Variants in USP48 observed in about 807,000 individuals in gnomAD.
USP48 encodes ubiquitin carboxyl-terminal hydrolase 48.
A neutral mutation model predicts 150.7 loss-of-function variants in USP48; 43 were observed. The observed-to-expected ratio is 0.29, with a 90% CI of 0.22 to 0.37. The LOEUF is 0.37. Among genes scored for constraint, USP48 ranks in the 10% least tolerant of loss-of-function variants. The probability of loss-of-function intolerance (pLI) is 1.00; values close to 1 mark genes in which losing one functional copy is unlikely to be tolerated. For synonymous variants in USP48, 396 were observed against 425.9 expected, an observed-to-expected ratio of 0.93 and a Z score of 0.86; for missense variants, 813 against 1,249.6, an observed-to-expected ratio of 0.65 and a Z score of 5.27.
Position 21,715,376 on chromosome 1 carries a change from G to A in USP48, c.1963+13C>T. 1 of 1,570,968 alleles carries A rather than the reference G, an allele frequency of 6.4e-7. No homozygotes were observed. The highest frequency in any genetic ancestry group is 8.7e-7 in the Non-Finnish European group (1 of 1,148,754). ...GGACAATAAAACAGAATTCATTTATGCTTCTAGCTTACCATGTGGACACAG... is the reference window on the plus strand; with the variant it reads ...GGACAATAAAACAGAATTCATTTATACTTCTAGCTTACCATGTGGACACAG... On this transcript the variant is annotated intron_variant, in intron 15 of 26. Transcript: ENST00000308271.
At chr1:21,701,862 G>GTTA (rs1488205175) in intron 21 of USP48, among the ~76,000 whole-genome samples, 1 of 152,190 alleles carries the variant, frequency 6.6e-6, no homozygotes, top group African/African-American at 2.4e-5. Flanking sequence ...CTGCAGAGCA[G>GTTA]TTATTATTAT....
intron 11 of USP48, among the ~76,000 whole-genome samples, chr1:21,725,676 C>T (rs2097734886): frequency 6.6e-6 from 1 of 151,824 alleles, no homozygotes. Context: ...TCACTTGAAC[C>T]CGGGACGCGG....
At chr1:21,740,519 A>G (rs1166460985) in intron 8 of USP48, among the ~76,000 whole-genome samples, 1 of 152,214 alleles carries the variant, frequency 6.6e-6, no homozygotes, top group Non-Finnish European at 1.5e-5. Context: ...AGCCCTCAAA[A>G]AGATTTCTTT....
intron 1 of USP48, among the ~76,000 whole-genome samples, chr1:21,779,060 C>T (rs975957671): frequency 1.3e-5 from 2 of 151,898 alleles, no homozygotes; most frequent in Admixed American, 6.6e-5. Context: ...AGGTTACAGG[C>T]GTGAGCCACC....
rs1398315931 is a variant in USP48 at position 21,715,369 on chromosome 1, C to T, written c.1963+20G>A. The stretch of plus-strand genomic sequence containing the variant: ...AAAAAAAGGACAATAAAACAGAATT[C>T]ATTTATGCTTCTAGCTTACCATGTG... On this transcript the variant is annotated intron_variant, in intron 15 of 26. Coordinates refer to ENST00000308271, the MANE Select transcript of USP48 (RefSeq NM_032236.8). 1 of 1,560,638 alleles carries T rather than the reference C, an allele frequency of 6.4e-7. No homozygotes were observed. Among genetic ancestry groups the T allele is most frequent in the African/African-American group, 1.4e-5 (1 of 73,122 alleles).
chr1:21,761,928 T>C (rs1311715695), intron 1 of USP48, among the ~76,000 whole-genome samples: 1 of 152,216 alleles, frequency 6.6e-6, no homozygotes, highest in Non-Finnish European at 1.5e-5. Flanking sequence ...TTTTAGTGCT[T>C]ATAACTCATC....
intron 22 of USP48, among the ~76,000 whole-genome samples, chr1:21,697,384 C>T (rs116254572): frequency 0.012 from 1,767 of 152,016 alleles, 14 homozygotes; most frequent in Non-Finnish European, 0.016. Context: ...AAAGGTCAGG[C>T]CAGGCGTGGT....
intron 8 of USP48, among the ~76,000 whole-genome samples, chr1:21,742,029 G>A (rs2097783062): frequency 3.3e-5 from 5 of 152,070 alleles, no homozygotes; most frequent in Admixed American, 3.3e-4. Context: ...TGAGGGTAAA[G>A]ATGTTATCTA....
chr1:21,755,453 C>T (rs889139782), intron 3 of USP48, among the ~76,000 whole-genome samples: 6 of 151,768 alleles, frequency 4.0e-5, no homozygotes, highest in South Asian at 2.1e-4. Context: ...TCCAACTACT[C>T]GGGGGGGCTC....
intron 1 of USP48, among the ~76,000 whole-genome samples, chr1:21,778,153 A>C (rs1175221776): frequency 6.6e-6 from 1 of 151,826 alleles, no homozygotes; most frequent in East Asian, 1.9e-4. Context: ...AAAAAAAAAA[A>C]CAAAACAAAA....
intron 23 of USP48, among the ~76,000 whole-genome samples, chr1:21,694,594 A>C (rs1002096099): frequency 0.011 from 1,303 of 123,456 alleles, 69 homozygotes; most frequent in African/African-American, 0.035. Flanking sequence ...AAAAAAAAAA[A>C]AAAAAAAAAA....
At chr1:21,689,349 C>T (rs1571700447) in intron 24 of USP48, among the ~76,000 whole-genome samples, 1 of 145,024 alleles carries the variant, frequency 6.9e-6, no homozygotes, top group South Asian at 2.2e-4. Context: ...GGTTGGAGGG[C>T]ATTGGGGAGG....
At chr1:21,735,949 C>A (rs2097767985) in intron 9 of USP48, among the ~76,000 whole-genome samples, 1 of 151,680 alleles carries the variant, frequency 6.6e-6, no homozygotes, top group Non-Finnish European at 1.5e-5. Flanking sequence ...GTGGCACATG[C>A]CTGTAATCCC....
intron 1 of USP48, among the ~76,000 whole-genome samples, chr1:21,776,571 A>C (rs1385143715): frequency 6.9e-6 from 1 of 144,436 alleles, no homozygotes; most frequent in Non-Finnish European, 1.5e-5. Context: ...AAAAAAGGAG[A>C]AAGTGAATAG....
intron 7 of USP48, among the ~76,000 whole-genome samples, chr1:21,747,431 C>CATGT (rs1571954849): frequency 6.6e-6 from 1 of 152,210 alleles, no homozygotes; most frequent in East Asian, 1.9e-4. Flanking sequence ...AAGACATGCA[C>CATGT]ATGTGCAAAC....
rs949125143 is a variant in USP48 at position 21,679,345 on chromosome 1, CT to C, written c.*71del. On this transcript the variant is annotated 3_prime_UTR_variant, in exon 27 of 27. Transcript: ENST00000308271. The stretch of plus-strand genomic sequence containing the variant: ...GGTTTAATTCTTAAATCCACCTTTG[CT>C]TTAATGCCCTAACATGTCAAACTCC... 6.3e-7 allele frequency: 1 copy of C among 1,585,620 alleles called. No homozygotes were observed. Among genetic ancestry groups the C allele is most frequent in the Non-Finnish European group, 8.7e-7 (1 of 1,154,200 alleles).
intron 8 of USP48, among the ~76,000 whole-genome samples, chr1:21,739,444 G>A (rs1255552144): frequency 2.7e-5 from 4 of 146,340 alleles, no homozygotes; most frequent in South Asian, 2.2e-4. Flanking sequence ...GCTTGAACCC[G>A]GGAGGCGGAG....
intron 8 of USP48, among the ~76,000 whole-genome samples, chr1:21,746,067 T>C (rs1345365364): frequency 6.6e-6 from 1 of 152,120 alleles, no homozygotes; most frequent in East Asian, 1.9e-4. Context: ...CTCTTAAAGG[T>C]TTTTACAGCT....
intron 15 of USP48, among the ~76,000 whole-genome samples, chr1:21,707,590 C>T (rs560038323): frequency 6.6e-6 from 1 of 152,278 alleles, no homozygotes; most frequent in South Asian, 2.1e-4. Context: ...TCTGGCTCTA[C>T]TTGTGGTTAT....
Sources: gnomAD v4.1 joint callset for allele counts (sites outside exome capture counted in the v4.1 genomes callset) on GRCh38, gnomAD v4.1.1 for gene constraint, MANE v1.5 for transcripts, NCBI Gene and HGNC (gene_info 2026-07-23, HGNC 2026-07-21) for gene names.